The following EML2 variants were observed in gnomAD, a reference collection of about 807,000 sequenced individuals.
EML2 encodes the protein EMAP like 2.
A neutral mutation model predicts 84.7 loss-of-function variants in EML2; 59 were observed. The observed-to-expected ratio is 0.70, with a 90% CI of 0.56 to 0.86. The LOEUF (loss-of-function observed/expected upper bound fraction) is 0.86, where lower values mean the gene tolerates loss of function less well. Among genes scored for constraint, EML2 ranks in the 40% least tolerant of loss-of-function variants. EML2 has a pLI of 0.00. For missense variants in EML2, 818 were observed against 855.6 expected (o/e 0.96, Z 0.55); for synonymous variants, 352 against 348.9 (o/e 1.01, Z -0.10).
At chr19:45,633,202 A>G in intron 4 of EML2, 63 bp from the exon 5 acceptor site, 3 of 1,514,114 alleles carry the variant, frequency 2.0e-6, no homozygotes, top group Non-Finnish European at 2.7e-6. Context: ...ACAGAGACCC[A>G]GGACATTCAT....
chr19:45,632,571 T>C (rs957506787), intron 6 of EML2: 6 of 351,066 alleles, frequency 1.7e-5, no homozygotes, highest in Non-Finnish European at 3.2e-5. Context: ...AAAGGCATAC[T>C]CTCGCTTTCT....
chr19:45,620,125 T>G (rs568739038), intron 11 of EML2, among the ~76,000 whole-genome samples: 104 of 152,254 alleles, frequency 6.8e-4, no homozygotes, highest in Middle Eastern at 3.4e-3. Context: ...ATAACAAATT[T>G]TTTTTTTAGA....
chr19:45,616,686 T>C lies in EML2; in HGVS notation c.1411+79A>G. The C allele has an allele frequency of 2.1e-6, 3 of 1,453,460 alleles. No homozygotes were observed. The Admixed American group carries it at 5.5e-5, about 26-fold the overall frequency. The allele number at this position is 1,453,460 out of a possible 1,614,324, so 90.0% of individuals were successfully genotyped here. A position where few individuals can be genotyped will look rare whatever the true frequency, so the allele number is the denominator to read the frequency against. Reference sequence around the variant, plus strand: ...CCCTCCTAGGCCTCGCTTCGCAGGCTCCACCCCTCCCCCTGCCAAGAGCTC... The same window carrying C: ...CCCTCCTAGGCCTCGCTTCGCAGGCCCCACCCCTCCCCCTGCCAAGAGCTC... On this transcript the variant is annotated intron_variant, in intron 14 of 18. Transcript: ENST00000245925.
Position 45,613,554 on chromosome 19 carries a change from C to G in EML2, c.1811G>C (p.Cys604Ser). ...CAAGGGACTCACTCGAGGCTGACAG[C>G]AGGGGTAGCTAAACAGGTGAACTTT... ...FGKVHLFSYP[C>S]CQPRALSHKY... The change falls in exon 18 of 19, where the codon TGC becomes TCC. Residue 604 changes from cysteine (C) to serine (S), a missense_variant. By Grantham distance (112) the Cys-to-Ser change is moderately radical. Coordinates refer to ENST00000245925, the MANE Select transcript of EML2 (RefSeq NM_012155.4). The G allele has an allele frequency of 6.2e-7, 1 of 1,613,968 alleles. No individual in the cohort carries two copies. Among genetic ancestry groups the G allele is most frequent in the East Asian group, 2.2e-5 (1 of 44,874 alleles).
intron 7 of EML2, among the ~76,000 whole-genome samples, chr19:45,627,151 G>A (rs1189874246): frequency 6.6e-6 from 1 of 151,764 alleles, no homozygotes; most frequent in African/African-American, 2.4e-5. Flanking sequence ...GTAGAGACAG[G>A]ATTTCACCAT....
At position 45,621,547 on chromosome 19, in the gene EML2, C is replaced by T. The variant is rs1356894913; in HGVS notation, c.932G>A (p.Gly311Glu). ...CALRDGTLVS[G>E]GGRDRRVVLW... ...GACCACCCGCCGATCACGGCCCCCTCCAGACACCAGCGTCCCGTCCCGCAG... is the reference window on the plus strand; with the variant it reads ...GACCACCCGCCGATCACGGCCCCCTTCAGACACCAGCGTCCCGTCCCGCAG... Residue 311 changes from glycine to glutamate, a missense_variant, in exon 10 of 19, where the codon GGA becomes GAA. By Grantham distance (98) the Gly-to-Glu change is moderately conservative. Coordinates refer to ENST00000245925, the MANE Select transcript of EML2 (RefSeq NM_012155.4). 1.2e-6 allele frequency: 2 copies of T among 1,613,098 alleles called. No individual in the cohort carries two copies. Among genetic ancestry groups the T allele is most frequent in the South Asian group, 2.2e-5 (2 of 91,078 alleles).
At chr19:45,635,741 C>T (rs759543591) in intron 3 of EML2, among the ~76,000 whole-genome samples, 1 of 151,596 alleles carries the variant, frequency 6.6e-6, no homozygotes, top group African/African-American at 2.4e-5. Context: ...TATAGGCATG[C>T]GCCACCATGC....
intron 16 of EML2, 38 bp from the exon 17 acceptor site, chr19:45,614,738 A>C (rs1970837978): frequency 6.6e-7 from 1 of 1,517,812 alleles, no homozygotes; most frequent in Non-Finnish European, 9.2e-7. Flanking sequence ...CAGAGTTGGA[A>C]GAACTACCCA....
chr19:45,610,034 G>A lies in EML2; in HGVS notation c.1825-246C>T, dbSNP rs116310579. Among the ~76,000 whole-genome samples the A allele has an allele frequency of 7.5e-3, 1,142 of 152,200 alleles. 16 individuals are homozygous for A. The highest frequency in any genetic ancestry group is 0.026 in the African/African-American group (1,095 of 41,520). On this transcript the variant is annotated intron_variant, in intron 18 of 18. Transcript: ENST00000245925. Reference sequence around the variant, plus strand: ...ATCACAGATATGCGCCCCCACACCTGGCTAATTCTTTTTCCTTTTATAGCA... The same window carrying A: ...ATCACAGATATGCGCCCCCACACCTAGCTAATTCTTTTTCCTTTTATAGCA...
At chr19:45,645,551 C>G (rs150283203), upstream of EML2, 3 of 1,061,392 alleles carry the variant, frequency 2.8e-6, no homozygotes, top group African/African-American at 5.1e-5. Context: ...GCCAAGCCCC[C>G]CAACACAATC....
intron 12 of EML2, among the ~76,000 whole-genome samples, chr19:45,618,209 G>A (rs576130216): frequency 8.6e-4 from 129 of 149,676 alleles, no homozygotes; most frequent in Middle Eastern, 7.2e-3. Context: ...CATTACAGGC[G>A]CCCACCACCA....
At chr19:45,636,449 T>C (rs1184447224) in intron 3 of EML2, among the ~76,000 whole-genome samples, 1 of 152,238 alleles carries the variant, frequency 6.6e-6, no homozygotes, top group African/African-American at 2.4e-5. Context: ...TTTTCATTTC[T>C]GTATCTCCTC....
chr19:45,616,197 C>T (rs1360429870), intron 15 of EML2: 2 of 420,890 alleles, frequency 4.8e-6, no homozygotes, highest in African/African-American at 2.6e-5. Flanking sequence ...CACAGAGGGG[C>T]GGTCTCGGAA....
At chr19:45,626,600 G>C in intron 8 of EML2, 105 bp downstream of exon 8, 21 of 1,340,790 alleles carry the variant, frequency 1.6e-5, no homozygotes, top group Non-Finnish European at 2.1e-5. Context: ...CAGCGTCCCT[G>C]TAATCCCAAA....
chr19:45,631,594 G>A (rs1255344242), intron 6 of EML2, among the ~76,000 whole-genome samples: 1 of 151,902 alleles, frequency 6.6e-6, no homozygotes, highest in Non-Finnish European at 1.5e-5. Flanking sequence ...TTTTAGTAGA[G>A]ATGGGGTTTC....
At chr19:45,631,851 C>T (rs899068833) in intron 6 of EML2, among the ~76,000 whole-genome samples, 3 of 151,148 alleles carry the variant, frequency 2.0e-5, no homozygotes, top group African/African-American at 7.3e-5. Flanking sequence ...GAGTACAGGC[C>T]CAGGCCCACA....
chr19:45,626,766 G>A lies in EML2; in HGVS notation c.680C>T (p.Ser227Phe). 6.2e-7 allele frequency: 1 copy of A among 1,613,882 alleles called. No individual in the cohort carries two copies. The highest frequency in any genetic ancestry group is 2.2e-5 in the East Asian group (1 of 44,866). The change falls in exon 8 of 19, where the codon TCT becomes TTT. Residue 227 changes from serine (S) to phenylalanine (F), a missense_variant. Ser to Phe is a radical substitution (Grantham distance 155). Transcript: ENST00000245925. ...CTCCAAGGTCCAGAAGTAGATGTGA[G>A]ATTTCCCGCAGGTGATAAGCACAGT... ...DPTVLITCGK[S>F]HIYFWTLEGG...
chr19:45,631,243 C>T (rs1972988163), intron 6 of EML2, among the ~76,000 whole-genome samples: 4 of 152,096 alleles, frequency 2.6e-5, no homozygotes, highest in Admixed American at 2.6e-4. Flanking sequence ...ATATGGCTTA[C>T]CCCTACCCCA....
chr19:45,612,421 A>G (rs1970589568), intron 18 of EML2, among the ~76,000 whole-genome samples: 1 of 152,204 alleles, frequency 6.6e-6, no homozygotes, highest in Non-Finnish European at 1.5e-5. Context: ...CATGCCTTGT[A>G]ATCCCAGCAC....
Sources: gnomAD v4.1 joint callset for allele counts (sites outside exome capture counted in the v4.1 genomes callset) on GRCh38, gnomAD v4.1.1 for gene constraint, MANE v1.5 for transcripts, NCBI Gene and HGNC (gene_info 2026-07-23, HGNC 2026-07-21) for gene names.